The following CHRNA7 variants were observed in gnomAD, a reference collection of about 807,000 sequenced individuals.
CHRNA7 encodes the protein neuronal acetylcholine receptor subunit alpha-7.
Under a neutral mutation model 48.0 loss-of-function variants are expected in CHRNA7, and 17 were observed. The observed-to-expected ratio is 0.35, with a 90% CI of 0.24 to 0.53. CHRNA7 has a LOEUF of 0.53. Among genes scored for constraint, CHRNA7 ranks in the 20% least tolerant of loss-of-function variants. The pLI is 0.92. For synonymous variants in CHRNA7, 75 were observed against 242.3 expected (o/e 0.31, Z 6.41); for missense variants, 155 against 577.7 (o/e 0.27, Z 7.50).
chr15:32,036,413 G>A (rs912504917), intron 2 of CHRNA7, among the ~76,000 whole-genome samples: 3 of 152,142 alleles, frequency 2.0e-5, no homozygotes, highest in East Asian at 1.9e-4. Context: ...AGATTTTTAC[G>A]TGAACATAAG....
In CHRNA7 at chr15:32,030,544, C is replaced by T. The variant is rs749069878; in HGVS notation, c.-51C>T. ...CTGTGGCCGCAGGCGCAGGCCCGGG[C>T]GACAGCCGAGACGTGGAGCGCGCCG... is the stretch of plus-strand genomic sequence containing the variant. On this transcript the variant is annotated 5_prime_UTR_variant, in exon 1 of 10. Transcript: ENST00000306901. 127 of 1,415,330 alleles carry T rather than the reference C, an allele frequency of 9.0e-5. No homozygotes were observed. Among genetic ancestry groups the T allele is most frequent in the Admixed American group, 4.7e-4 (16 of 34,096 alleles). 87.7% of individuals were successfully genotyped at this position (1,415,330 alleles called of 1,614,324 possible).
At chr15:32,105,127 T>C (rs2050641685) in intron 3 of CHRNA7, among the ~76,000 whole-genome samples, 1 of 152,222 alleles carries the variant, frequency 6.6e-6, no homozygotes, top group African/African-American at 2.4e-5. Flanking sequence ...GCACAGCTAA[T>C]TTTAATTAAG....
intron 4 of CHRNA7, among the ~76,000 whole-genome samples, chr15:32,113,980 G>T (rs1218715757): frequency 2.1e-5 from 3 of 145,720 alleles, no homozygotes; most frequent in African/African-American, 5.1e-5. Flanking sequence ...TTATATCACT[G>T]CTTGCCATCC....
intron 3 of CHRNA7, chr15:32,111,520 G>A (rs1276221502): frequency 1.5e-5 from 5 of 329,394 alleles, no homozygotes; most frequent in Admixed American, 9.2e-5. Flanking sequence ...GAGAAGGCTC[G>A]GGGACATGCA....
At chr15:32,138,522 C>G (rs916522753) in intron 4 of CHRNA7, among the ~76,000 whole-genome samples, 1 of 150,708 alleles carries the variant, frequency 6.6e-6, no homozygotes, top group African/African-American at 2.4e-5. Flanking sequence ...TGAACTGATG[C>G]AGACACATCA....
chr15:32,140,257 C>T (rs576849284), intron 4 of CHRNA7, among the ~76,000 whole-genome samples: 1 of 152,020 alleles, frequency 6.6e-6, no homozygotes, highest in African/African-American at 2.4e-5. Context: ...TGAACTCATC[C>T]TTTTTTATGG....
chr15:32,129,858 T>C (rs951951814), intron 4 of CHRNA7, among the ~76,000 whole-genome samples: 5 of 151,974 alleles, frequency 3.3e-5, no homozygotes, highest in Non-Finnish European at 7.4e-5. Context: ...TACTATAAAT[T>C]TATTCTTAGC....
At chr15:32,048,066 C>T (rs1463871986) in intron 2 of CHRNA7, among the ~76,000 whole-genome samples, 6 of 152,014 alleles carry the variant, frequency 3.9e-5, no homozygotes, top group South Asian at 2.1e-4. Flanking sequence ...TGCTGGATTC[C>T]GTTTGCCAGT....
At chr15:32,091,203 C>G (rs980773860) in intron 2 of CHRNA7, among the ~76,000 whole-genome samples, 3 of 152,122 alleles carry the variant, frequency 2.0e-5, no homozygotes, top group Admixed American at 6.5e-5. Flanking sequence ...TGATATTTCT[C>G]TTGTCTGTAT....
intron 2 of CHRNA7, among the ~76,000 whole-genome samples, chr15:32,056,248 G>A (rs1262369464): frequency 6.6e-6 from 1 of 152,108 alleles, no homozygotes; most frequent in Non-Finnish European, 1.5e-5. Flanking sequence ...AGTTCATGAA[G>A]ATATTTTTCT....
At chr15:32,112,015 T>A in intron 4 of CHRNA7, 116 bp downstream of exon 4, 1 of 744,126 alleles carries the variant, frequency 1.3e-6, no homozygotes, top group Admixed American at 1.9e-5. Context: ...CTGGGGCCAC[T>A]GCTCCCTACA....
intron 2 of CHRNA7, among the ~76,000 whole-genome samples, chr15:32,049,151 G>A (rs868255768): frequency 2.6e-5 from 4 of 151,914 alleles, no homozygotes; most frequent in Admixed American, 1.3e-4. Flanking sequence ...TTCTGTAGAT[G>A]TCTATTAGGT....
At chr15:32,039,246 G>A (rs1185980304) in intron 2 of CHRNA7, among the ~76,000 whole-genome samples, 2 of 151,774 alleles carry the variant, frequency 1.3e-5, no homozygotes, top group Admixed American at 6.6e-5. Context: ...TTGATTTCCT[G>A]TTTACAATTT....
chr15:32,077,100 G>A (rs930411017), intron 2 of CHRNA7, among the ~76,000 whole-genome samples: 3 of 151,566 alleles, frequency 2.0e-5, no homozygotes, highest in African/African-American at 7.3e-5. Context: ...TGCATTTAAA[G>A]TTCCTCCATG....
rs955194574 is a variant in CHRNA7, at chr15:32,108,072, C to T, written c.241-3718C>T. The stretch of plus-strand genomic sequence containing the variant: ...ACTTTCCTTTTTCCTCCCTCCCTTC[C>T]CCTCTCTCATCCCTTTCCCCTCCTC... On this transcript the variant is annotated intron_variant, in intron 3 of 9. Transcript: ENST00000306901. 2.6e-5 allele frequency among the ~76,000 whole-genome samples: 4 copies of T among 151,896 alleles called. No homozygotes were observed. In the East Asian group the frequency reaches 7.7e-4, roughly 29 times the overall value.
chr15:32,042,173 A>G (rs1346641606), intron 2 of CHRNA7, among the ~76,000 whole-genome samples: 1 of 152,062 alleles, frequency 6.6e-6, no homozygotes, highest in Non-Finnish European at 1.5e-5. Context: ...AGCATTCTAT[A>G]CTCCTATGAT....
intron 2 of CHRNA7, among the ~76,000 whole-genome samples, chr15:32,059,698 C>T (rs935345889): frequency 1.6e-4 from 24 of 151,800 alleles, no homozygotes; most frequent in Admixed American, 1.3e-3. Context: ...GACAACTGAG[C>T]GAATGGGAAG....
intron 4 of CHRNA7, among the ~76,000 whole-genome samples, chr15:32,151,722 A>G (rs7179008): frequency 0.22 from 33,126 of 152,110 alleles, 3,842 homozygotes; most frequent in Non-Finnish European, 0.27. Flanking sequence ...TAATTGCTAT[A>G]TCCTCTTGAA....
At chr15:32,069,784 A>C (rs1299425670) in intron 2 of CHRNA7, among the ~76,000 whole-genome samples, 1 of 152,180 alleles carries the variant, frequency 6.6e-6, no homozygotes, top group Non-Finnish European at 1.5e-5. Flanking sequence ...TGAATTGTTC[A>C]GTGTGAAAAG....
Sources: allele counts gnomAD v4.1 joint callset (sites outside exome capture counted in the v4.1 genomes callset), GRCh38; gene constraint gnomAD v4.1.1; transcripts MANE v1.5; gene names NCBI Gene and HGNC (gene_info 2026-07-23, HGNC 2026-07-21).